The following ANKHD1 variants were observed in gnomAD, a reference collection of about 807,000 sequenced individuals.
The protein encoded by ANKHD1 is ankyrin repeat and KH domain containing 1.
ANKHD1 carries 31 observed loss-of-function variants against 230.5 expected under a neutral mutation model. That is an observed-to-expected ratio of 0.13 (90% CI 0.10 to 0.18). ANKHD1 has a LOEUF of 0.18. Ranked by LOEUF, ANKHD1 falls within the 10% of genes least tolerant of loss-of-function variation. ANKHD1 has a pLI of 1.00. For missense variants in ANKHD1, 2,256 were observed against 3,071.3 expected, an observed-to-expected ratio of 0.73 and a Z score of 6.27; for synonymous variants, 1,074 against 1,117.6, an observed-to-expected ratio of 0.96 and a Z score of 0.78.
Position 140,513,349 on chromosome 5 carries a change from A to G in ANKHD1, c.4201-14A>G, listed in dbSNP as rs1752845934. 1 of 1,599,842 alleles carries G rather than the reference A, an allele frequency of 6.3e-7. No individual in the cohort carries two copies. The highest frequency in any genetic ancestry group is 8.5e-7 in the Non-Finnish European group (1 of 1,174,520). On this transcript the variant is annotated splice_polypyrimidine_tract_variant and intron_variant, in intron 23 of 33. Transcript: ENST00000360839. ...TTTCATTATATATTTACATAATTCT[A>G]TTTCCTGCTGTAGGAACTGTTGAAA...
chr5:140,430,473 T>C (rs570428432), intron 1 of ANKHD1, among the ~76,000 whole-genome samples: 1 of 152,314 alleles, frequency 6.6e-6, no homozygotes, highest in East Asian at 1.9e-4. Flanking sequence ...ATAAGGCTTT[T>C]ATATTCATTT....
intron 29 of ANKHD1, among the ~76,000 whole-genome samples, chr5:140,533,459 C>T (rs150925403): frequency 5.0e-4 from 76 of 152,126 alleles, no homozygotes; most frequent in African/African-American, 1.8e-3. Context: ...ATTAGCCAGG[C>T]GTGGTCGCAG....
chr5:140,539,161 G>C, intron 33 of ANKHD1, 78 bp downstream of exon 33: 1 of 1,527,006 alleles, frequency 6.5e-7, no homozygotes, highest in African/African-American at 1.4e-5. Flanking sequence ...TATAAGTACT[G>C]AATATCAAAA....
chr5:140,509,074 T>TG (rs1436028074), intron 20 of ANKHD1, among the ~76,000 whole-genome samples: 4 of 152,188 alleles, frequency 2.6e-5, no homozygotes, highest in South Asian at 2.1e-4. Flanking sequence ...ATCTAAGTAA[T>TG]GAGGAAGTGT....
At chr5:140,533,775 CAAAAA>C (rs1167136822) in intron 29 of ANKHD1, among the ~76,000 whole-genome samples, 4 of 29,662 alleles carry the variant, frequency 1.3e-4, no homozygotes, top group African/African-American at 2.2e-4. Flanking sequence ...GACCCTGTCT[CAAAAA>C]AAAAAAAAAA....
At chr5:140,440,319 T>C in intron 4 of ANKHD1, 53 bp downstream of exon 4, 1 of 1,564,804 alleles carries the variant, frequency 6.4e-7, no homozygotes, top group South Asian at 1.2e-5. Context: ...TTTGATGTTT[T>C]ATTTATTTTT....
chr5:140,448,517 G>T (rs1009696816), intron 6 of ANKHD1, among the ~76,000 whole-genome samples: 2 of 152,118 alleles, frequency 1.3e-5, no homozygotes, highest in African/African-American at 4.8e-5. Context: ...GTTTGAGAGT[G>T]CCCTTTGCCC....
chr5:140,537,323 A>C (rs779471682), intron 30 of ANKHD1, 66 bp from the exon 31 acceptor site: 1 of 1,551,316 alleles, frequency 6.4e-7, no homozygotes, highest in Admixed American at 2.1e-5. Flanking sequence ...CAATAGAGAA[A>C]TATTTTGCCA....
At chr5:140,428,745 T>C (rs1772767345) in intron 1 of ANKHD1, among the ~76,000 whole-genome samples, 1 of 152,162 alleles carries the variant, frequency 6.6e-6, no homozygotes, top group Non-Finnish European at 1.5e-5. Context: ...CTTTGTTTTG[T>C]TTTTTTAAAT....
intron 5 of ANKHD1, among the ~76,000 whole-genome samples, chr5:140,444,787 A>G: frequency 6.6e-6 from 1 of 152,230 alleles, no homozygotes; most frequent in African/African-American, 2.4e-5. Flanking sequence ...CCATCACCAC[A>G]GAAAGATCTC....
At chr5:140,406,473 C>T (rs1426162248) in intron 1 of ANKHD1, among the ~76,000 whole-genome samples, 2 of 151,710 alleles carry the variant, frequency 1.3e-5, no homozygotes, top group African/African-American at 4.8e-5. Flanking sequence ...ATATCAGAGC[C>T]AAGAGCTGAG....
intron 14 of ANKHD1, among the ~76,000 whole-genome samples, chr5:140,492,422 G>C (rs1339918517): frequency 6.6e-6 from 1 of 152,086 alleles, no homozygotes; most frequent in Non-Finnish European, 1.5e-5. Context: ...GGAATATTTA[G>C]ACATAAAGGA....
chr5:140,479,510 A>T (rs968095891), intron 10 of ANKHD1, among the ~76,000 whole-genome samples: 1 of 152,002 alleles, frequency 6.6e-6, no homozygotes, highest in African/African-American at 2.4e-5. Context: ...AGTACGATGT[A>T]TACAAATTTG....
chr5:140,423,543 C>T (rs1358884119), intron 1 of ANKHD1, among the ~76,000 whole-genome samples: 1 of 152,194 alleles, frequency 6.6e-6, no homozygotes, highest in Non-Finnish European at 1.5e-5. Flanking sequence ...TTATTATGTT[C>T]TGTAAACTCG....
chr5:140,422,090 C>T (rs1772026086), intron 1 of ANKHD1, among the ~76,000 whole-genome samples: 1 of 152,050 alleles, frequency 6.6e-6, no homozygotes, highest in Non-Finnish European at 1.5e-5. Flanking sequence ...GGTTAGAGTC[C>T]TTGGTAGTTT....
At chr5:140,517,420 C>A (rs1208023634) in intron 24 of ANKHD1, among the ~76,000 whole-genome samples, 1 of 151,464 alleles carries the variant, frequency 6.6e-6, no homozygotes, top group South Asian at 2.1e-4. Context: ...GAATTGAACT[C>A]AGCTCTGCAC....
intron 15 of ANKHD1, among the ~76,000 whole-genome samples, chr5:140,500,421 C>T (rs1469292885): frequency 1.3e-5 from 2 of 151,644 alleles, no homozygotes; most frequent in African/African-American, 2.4e-5. Context: ...CAGAGGCAGG[C>T]GGCGGATCAC....
Position 140,436,165 on chromosome 5 carries a change from A to G in ANKHD1, c.368A>G (p.Glu123Gly), listed in dbSNP as rs537691067. 1.1e-5 allele frequency: 18 copies of G among 1,609,628 alleles called. No homozygotes were observed. Among genetic ancestry groups the G allele is most frequent in the Middle Eastern group, 3.3e-4 (2 of 6,052 alleles). ...AACCCAGTGCTTAAAACAACATCAG[A>G]GATATTCTTATCAAGTACTGCAGAA... Reference protein sequence around the residue: ...LDNPVLKTTSEIFLSSTAEGA... With the variant: ...LDNPVLKTTSGIFLSSTAEGA... The change falls in exon 2 of 34, where the codon GAG becomes GGG. Residue 123 changes from glutamate (E) to glycine (G), a missense_variant. Coordinates refer to ENST00000360839, the MANE Select transcript of ANKHD1 (RefSeq NM_017747.3).
chr5:140,419,141 T>C (rs541904123), intron 1 of ANKHD1, among the ~76,000 whole-genome samples: 14 of 141,112 alleles, frequency 9.9e-5, no homozygotes, highest in South Asian at 4.3e-4. Flanking sequence ...TTTTCTCTCT[T>C]TTTTTTTTTT....
Sources: allele counts gnomAD v4.1 joint callset (sites outside exome capture counted in the v4.1 genomes callset), GRCh38; gene constraint gnomAD v4.1.1; transcripts MANE v1.5; gene names NCBI Gene and HGNC (gene_info 2026-07-23, HGNC 2026-07-21).